The following PCCA variants were observed in gnomAD, a reference collection of about 807,000 sequenced individuals.
PCCA encodes propionyl-CoA carboxylase alpha chain, mitochondrial.
A neutral mutation model predicts 101.3 loss-of-function variants in PCCA; 74 were observed. That is an observed-to-expected ratio of 0.73 (90% confidence interval 0.61 to 0.89). The LOEUF (loss-of-function observed/expected upper bound fraction) is 0.89, where lower values mean the gene tolerates loss of function less well. Among genes scored for constraint, PCCA ranks in the 40% least tolerant of loss-of-function variants. The pLI is 0.00. For missense variants in PCCA, 891 were observed against 907.0 expected, an observed-to-expected ratio of 0.98 and a Z score of 0.23; for synonymous variants, 294 against 313.6, an observed-to-expected ratio of 0.94 and a Z score of 0.66.
intron 6 of PCCA, among the ~76,000 whole-genome samples, chr13:100,197,719 C>T (rs1015870865): frequency 2.6e-5 from 4 of 152,150 alleles, no homozygotes; most frequent in Admixed American, 6.5e-5. Context: ...TGTGCCCAGC[C>T]TTATCTTTTA....
chr13:100,497,240 C>A (rs984071485), intron 21 of PCCA, among the ~76,000 whole-genome samples: 2 of 152,132 alleles, frequency 1.3e-5, no homozygotes, highest in African/African-American at 4.8e-5. Context: ...AAATAAAAAT[C>A]ATCTTTGCAA....
intron 4 of PCCA, among the ~76,000 whole-genome samples, chr13:100,121,067 A>G (rs2049317643): frequency 2.6e-5 from 4 of 152,128 alleles, no homozygotes; most frequent in Admixed American, 2.6e-4. Flanking sequence ...GTAGAAATAC[A>G]AATGATTTTC....
intron 8 of PCCA, among the ~76,000 whole-genome samples, chr13:100,254,209 C>T (rs191857007): frequency 4.6e-5 from 7 of 152,190 alleles, no homozygotes; most frequent in East Asian, 3.9e-4. Context: ...TGGGGAAAAC[C>T]GCCCTCATGA....
chr13:100,404,679 C>T (rs1401836501), intron 19 of PCCA, among the ~76,000 whole-genome samples: 1 of 152,126 alleles, frequency 6.6e-6, no homozygotes, highest in Admixed American at 6.5e-5. Context: ...TCCCAGCAAC[C>T]TTGGTAGGTG....
intron 21 of PCCA, among the ~76,000 whole-genome samples, chr13:100,468,213 G>C (rs951568612): frequency 1.3e-5 from 2 of 152,176 alleles, no homozygotes; most frequent in Non-Finnish European, 2.9e-5. Context: ...TGTCATCCAG[G>C]CTTTGTTTTT....
At position 100,458,419 on chromosome 13, in the gene PCCA, GCGCGCACACACACACACACATACACACA is replaced by G. The variant is rs1402034668; in HGVS notation, c.1899+9116_1899+9143del. ...ATACACACAGTGGGACCCCATCTCT[GCGCGCACACACACACACACATACACACA>G]CACACACACACACACACACACACAC... On this transcript the variant is annotated intron_variant, in intron 21 of 23. Transcript: ENST00000376285. Among the ~76,000 whole-genome samples, 609 of 113,464 alleles carry G rather than the reference GCGCGCACACACACACACACATACACACA, an allele frequency of 5.4e-3. 8 individuals are homozygous for G. The highest frequency in any genetic ancestry group is 0.019 in the South Asian group (61 of 3,206). 74.4% of individuals were successfully genotyped at this position (113,464 alleles called of 152,430 possible).
chr13:100,343,017 C>T (rs117804827), intron 18 of PCCA, among the ~76,000 whole-genome samples: 122 of 152,174 alleles, frequency 8.0e-4, no homozygotes, highest in East Asian at 2.1e-3. Flanking sequence ...CTGAGCTGGG[C>T]GAAACCTTGT....
At chr13:100,109,336 C>G (rs1287021590) in intron 2 of PCCA, among the ~76,000 whole-genome samples, 1 of 152,124 alleles carries the variant, frequency 6.6e-6, no homozygotes, top group Non-Finnish European at 1.5e-5. Flanking sequence ...GGAGTTCAGC[C>G]TGGGTGGCTT....
intron 8 of PCCA, among the ~76,000 whole-genome samples, chr13:100,252,341 C>T (rs891991247): frequency 2.6e-5 from 4 of 152,206 alleles, no homozygotes; most frequent in African/African-American, 7.2e-5. Context: ...TTCCCCATCA[C>T]ATCTCCTTGA....
At chr13:100,151,026 T>G in intron 4 of PCCA, 5 of 1,547,634 alleles carry the variant, frequency 3.2e-6, no homozygotes, top group Non-Finnish European at 3.6e-6. Context: ...CAGCGGACCC[T>G]CAGAAGAAAG....
intron 21 of PCCA, among the ~76,000 whole-genome samples, chr13:100,478,311 A>G (rs755381271): frequency 9.2e-5 from 14 of 152,184 alleles, no homozygotes; most frequent in African/African-American, 2.9e-4. Context: ...AGCCCTGACA[A>G]CTGTCTCCCT....
chr13:100,351,041 T>G (rs1199690157), intron 18 of PCCA, among the ~76,000 whole-genome samples: 1 of 152,268 alleles, frequency 6.6e-6, no homozygotes, highest in Non-Finnish European at 1.5e-5. Flanking sequence ...ATGCTTAATG[T>G]TGCATTAAAT....
At chr13:100,481,852 T>C (rs530965083) in intron 21 of PCCA, among the ~76,000 whole-genome samples, 10 of 152,270 alleles carry the variant, frequency 6.6e-5, no homozygotes, top group African/African-American at 2.4e-4. Flanking sequence ...AGCTAAAACC[T>C]TGGATAAGGG....
At chr13:100,094,058 G>A (rs2046526456) in intron 1 of PCCA, among the ~76,000 whole-genome samples, 1 of 151,704 alleles carries the variant, frequency 6.6e-6, no homozygotes, top group South Asian at 2.1e-4. Context: ...GAGAAATCCC[G>A]TCTCTACTAA....
intron 16 of PCCA, among the ~76,000 whole-genome samples, chr13:100,327,196 G>A (rs1181164655): frequency 6.6e-6 from 1 of 152,142 alleles, no homozygotes; most frequent in African/African-American, 2.4e-5. Flanking sequence ...ACCTCTGGAA[G>A]TTTCCTTATG....
intron 6 of PCCA, among the ~76,000 whole-genome samples, chr13:100,171,243 T>A (rs937886900): frequency 5.9e-5 from 9 of 152,232 alleles, no homozygotes; most frequent in African/African-American, 1.7e-4. Flanking sequence ...AATACATTTT[T>A]AAAAATTTCT....
At chr13:100,168,161 A>G (rs183927092) in intron 6 of PCCA, among the ~76,000 whole-genome samples, 2 of 152,196 alleles carry the variant, frequency 1.3e-5, no homozygotes, top group African/African-American at 4.8e-5. Context: ...AGTTCCACAC[A>G]TAACCATCGT....
chr13:100,120,263 T>C (rs1313282871), intron 4 of PCCA, among the ~76,000 whole-genome samples: 1 of 150,708 alleles, frequency 6.6e-6, no homozygotes, highest in Non-Finnish European at 1.5e-5. Flanking sequence ...ACTACAGCCA[T>C]GAACTCCTGG....
intron 17 of PCCA, among the ~76,000 whole-genome samples, chr13:100,339,251 A>G (rs1206695004): frequency 7.2e-5 from 11 of 152,206 alleles, no homozygotes; most frequent in Non-Finnish European, 1.5e-4. Flanking sequence ...AGTACAGACA[A>G]CAATACATTT....
Sources: gnomAD v4.1 joint callset for allele counts (sites outside exome capture counted in the v4.1 genomes callset) on GRCh38, gnomAD v4.1.1 for gene constraint, MANE v1.5 for transcripts, NCBI Gene and HGNC (gene_info 2026-07-23, HGNC 2026-07-21) for gene names.